Variants in ERG observed in about 807,000 individuals in gnomAD.
ERG encodes the protein transcriptional regulator ERG.
Under a neutral mutation model 55.3 loss-of-function variants are expected in ERG, and 9 were observed. That is an observed-to-expected ratio of 0.16 (90% CI 0.10 to 0.28). The LOEUF (loss-of-function observed/expected upper bound fraction) is 0.28, where lower values mean the gene tolerates loss of function less well. ERG is among the 10% of genes least tolerant of loss of function. ERG has a pLI of 1.00. For missense variants in ERG, 434 were observed against 631.6 expected, an observed-to-expected ratio of 0.69 and a Z score of 3.35; for synonymous variants, 223 against 237.3, an observed-to-expected ratio of 0.94 and a Z score of 0.55.
intron 1 of ERG, among the ~76,000 whole-genome samples, chr21:38,642,276 G>GCCATTT (rs2060429942): frequency 6.6e-6 from 1 of 152,182 alleles, no homozygotes; most frequent in Admixed American, 6.5e-5. Flanking sequence ...GGAATGAAAT[G>GCCATTT]CATTACTTTT....
At chr21:38,622,062 G>C (rs1023480015) in intron 1 of ERG, among the ~76,000 whole-genome samples, 3 of 152,252 alleles carry the variant, frequency 2.0e-5, no homozygotes, top group Non-Finnish European at 4.4e-5. Context: ...TGCAGCCCCA[G>C]CTGTCCCAGG....
At chr21:38,508,549 T>C (rs531558897) in intron 2 of ERG, among the ~76,000 whole-genome samples, 19 of 152,352 alleles carry the variant, frequency 1.2e-4, no homozygotes, top group African/African-American at 3.6e-4. Flanking sequence ...GTATACAACT[T>C]AGTCCTTGTA....
chr21:38,606,293 T>C lies in ERG; in HGVS notation c.-149-21348A>G, dbSNP rs73432174. Among the ~76,000 whole-genome samples, 530 of 152,234 alleles carry C rather than the reference T, an allele frequency of 3.5e-3. 8 individuals are homozygous for C. The highest frequency in any genetic ancestry group is 0.012 in the African/African-American group (494 of 41,540). On this transcript the variant is annotated intron_variant, in intron 1 of 10. Coordinates refer to the ERG transcript ENST00000398910. ...ACTGATAGATGATTAGATGTATAGA[T>C]AGATGGTTGATAGAAAGATGATAGA...
chr21:38,631,282 C>T (rs377294750), intron 1 of ERG, among the ~76,000 whole-genome samples: 12 of 151,926 alleles, frequency 7.9e-5, no homozygotes, highest in African/African-American at 2.4e-4. Flanking sequence ...AAAAATGTTG[C>T]GGGCCAAGTA....
chr21:38,548,654 C>T (rs1418474394), intron 2 of ERG, among the ~76,000 whole-genome samples: 1 of 143,028 alleles, frequency 7.0e-6, no homozygotes. Context: ...TTAGTAAAGA[C>T]CACGTTTGAC....
chr21:38,428,180 C>CAA (rs60222976), intron 2 of ERG, among the ~76,000 whole-genome samples: 18,438 of 144,666 alleles, frequency 0.13, 1,309 homozygotes, highest in South Asian at 0.25. Context: ...AACCGTGTCT[C>CAA]AAAAAAAAAA....
intron 2 of ERG, among the ~76,000 whole-genome samples, chr21:38,426,775 A>G (rs1012514770): frequency 6.6e-6 from 1 of 151,944 alleles, no homozygotes; most frequent in Non-Finnish European, 1.5e-5. Flanking sequence ...TACTTAAAAA[A>G]AAAAATTAGC....
intron 2 of ERG, among the ~76,000 whole-genome samples, chr21:38,552,155 G>C (rs778075078): frequency 1.3e-5 from 2 of 151,960 alleles, no homozygotes; most frequent in Non-Finnish European, 2.9e-5. Context: ...ACGCTGAACA[G>C]ACCAATAACG....
intron 1 of ERG, among the ~76,000 whole-genome samples, chr21:38,472,927 T>C (rs1038880182): frequency 5.9e-5 from 9 of 152,038 alleles, no homozygotes; most frequent in African/African-American, 1.9e-4. Flanking sequence ...CTGGAGGAAA[T>C]GAGTTTTGCA....
intron 1 of ERG, among the ~76,000 whole-genome samples, chr21:38,453,926 A>G (rs1371202640): frequency 1.3e-5 from 2 of 149,668 alleles, no homozygotes; most frequent in African/African-American, 4.9e-5. Context: ...TTTTCTTCCC[A>G]GTAGGCTTCT....
chr21:38,481,658 G>T (rs2059239545), intron 1 of ERG, among the ~76,000 whole-genome samples: 6 of 152,150 alleles, frequency 3.9e-5, no homozygotes, highest in Admixed American at 3.9e-4. Context: ...TATTGAAAAT[G>T]TTATGCTATC....
Position 38,381,339 on chromosome 21 carries a change from C to T in ERG, c.*2064G>A. The T allele has an allele frequency of 1.9e-6, 2 of 1,064,204 alleles. No homozygotes were observed. Among genetic ancestry groups the T allele is most frequent in the Non-Finnish European group, 2.3e-6 (2 of 878,656 alleles). The allele number at this position is 1,064,204 out of a possible 1,614,324, so 65.9% of individuals were successfully genotyped here. ...CCTTTTGAGTTGCCTTCACCTGGACCAAGGTTGGCAGCATTTGTGATTCAA... is the reference window on the plus strand; with the variant it reads ...CCTTTTGAGTTGCCTTCACCTGGACTAAGGTTGGCAGCATTTGTGATTCAA... On this transcript the variant is annotated 3_prime_UTR_variant, in exon 10 of 10. Transcript: ENST00000288319.
At chr21:38,464,868 T>C (rs577285321) in intron 1 of ERG, among the ~76,000 whole-genome samples, 11 of 152,346 alleles carry the variant, frequency 7.2e-5, no homozygotes, top group African/African-American at 2.6e-4. Flanking sequence ...TCCAGCATCA[T>C]CCATGTCCCT....
chr21:38,562,093 T>G (rs2146837218), intron 2 of ERG, among the ~76,000 whole-genome samples: 1 of 152,294 alleles, frequency 6.6e-6, no homozygotes, highest in South Asian at 2.1e-4. Context: ...GCCTGCAAGC[T>G]CACTATTATT....
In ERG at chr21:38,392,170, CTTTA is replaced by C. The variant is rs1409718166; in HGVS notation, c.814+202_814+205del. 2.2e-5 allele frequency: 15 copies of C among 670,678 alleles called. No homozygotes were observed. In the Middle Eastern group the frequency reaches 1.3e-3, roughly 56 times the overall value. 41.5% of individuals were successfully genotyped at this position (670,678 alleles called of 1,614,324 possible). ...AAGGTTGACATACACTACATCATTC[CTTTA>C]TTTTTGTTATGAAAGTCCTGATGAC... is the stretch of plus-strand genomic sequence containing the variant. On this transcript the variant is annotated intron_variant, in intron 7 of 9. Coordinates refer to ENST00000288319, the MANE Select transcript of ERG (RefSeq NM_182918.4).
At chr21:38,654,781 C>T (rs2060508941) in intron 1 of ERG, among the ~76,000 whole-genome samples, 1 of 152,190 alleles carries the variant, frequency 6.6e-6, no homozygotes. Flanking sequence ...TGTCCTCTTG[C>T]TGCTGTATCT....
intron 4 of ERG, 97 bp downstream of exon 4, chr21:38,403,409 G>A: frequency 8.3e-7 from 1 of 1,204,368 alleles, no homozygotes; most frequent in South Asian, 1.3e-5. Context: ...GGCGAGGGCA[G>A]GAGGATGCTG....
intron 1 of ERG, among the ~76,000 whole-genome samples, chr21:38,604,408 A>G (rs1258698732): frequency 1.3e-5 from 2 of 152,212 alleles, no homozygotes; most frequent in Admixed American, 6.5e-5. Flanking sequence ...TATGATTACA[A>G]TAAGAAAAAA....
intron 2 of ERG, among the ~76,000 whole-genome samples, chr21:38,542,684 T>C (rs1251674837): frequency 6.6e-6 from 1 of 152,204 alleles, no homozygotes; most frequent in Non-Finnish European, 1.5e-5. Flanking sequence ...GCATTTTCAC[T>C]CTCTTCCGTG....
Sources: allele counts gnomAD v4.1 joint callset (sites outside exome capture counted in the v4.1 genomes callset), GRCh38; gene constraint gnomAD v4.1.1; transcripts MANE v1.5; gene names NCBI Gene and HGNC (gene_info 2026-07-23, HGNC 2026-07-21).